WDR82: variants seen among roughly 807,000 people sequenced by gnomAD.
WDR82 encodes the protein WD repeat domain 82, also known as WD repeat-containing protein 82.
A neutral mutation model predicts 36.1 loss-of-function variants in WDR82; 8 were observed. The observed-to-expected ratio is 0.22, with a 90% CI of 0.13 to 0.40. The LOEUF is 0.40. WDR82 is among the 10% of genes least tolerant of loss of function. The pLI is 1.00. For missense variants in WDR82, 185 were observed against 400.5 expected (o/e 0.46, Z 4.59); for synonymous variants, 129 against 137.8 (o/e 0.94, Z 0.45).
At chr3:52,267,113 T>C in intron 2 of WDR82, 95 bp from the exon 3 acceptor site, 1 of 953,998 alleles carries the variant, frequency 1.0e-6, no homozygotes, top group Non-Finnish European at 1.6e-6. Flanking sequence ...AAATAATCCA[T>C]TGTATTCTAT....
chr3:52,257,912 G>A (rs773999375), intron 8 of WDR82, among the ~76,000 whole-genome samples: 2 of 151,564 alleles, frequency 1.3e-5, no homozygotes, highest in African/African-American at 2.4e-5. Context: ...TGGTTTTGCT[G>A]TATTTTTTCT....
Position 52,259,368 on chromosome 3 carries a change from A to T in WDR82, c.700-102T>A. On this transcript the variant is annotated intron_variant, in intron 6 of 8. Transcript: ENST00000296490. ...CACATGCATCACCTTCCTTTCCATGAAACCCTTTCCTTGTCATGTACTACA... is the reference window on the plus strand; with the variant it reads ...CACATGCATCACCTTCCTTTCCATGTAACCCTTTCCTTGTCATGTACTACA... 18 of 1,204,900 alleles carry T rather than the reference A, an allele frequency of 1.5e-5. 1 individual carries two copies. The highest frequency in any genetic ancestry group is 2.2e-5 in the Non-Finnish European group (18 of 829,986). 74.6% of individuals were successfully genotyped at this position (1,204,900 alleles called of 1,614,324 possible). A position where few individuals can be genotyped will look rare whatever the true frequency, so the allele number is the denominator to read the frequency against.
chr3:52,257,634 C>G, intron 8 of WDR82, 115 bp from the exon 9 acceptor site: 1 of 1,281,418 alleles, frequency 7.8e-7, no homozygotes, highest in South Asian at 1.3e-5. Context: ...TCTGGTAGCC[C>G]TCTCTCCTAA....
chr3:52,270,619 A>AAAGTAGTCACAAAGCAG, intron 2 of WDR82, 93 bp downstream of exon 2: 1 of 921,626 alleles, frequency 1.1e-6, no homozygotes, highest in Non-Finnish European at 1.7e-6. Context: ...TACTTAAACT[A>AAAGTAGTCACAAAGCAG]AAGTAGTCAC....
intron 3 of WDR82, among the ~76,000 whole-genome samples, chr3:52,263,025 G>A (rs1578006488): frequency 6.6e-6 from 1 of 151,946 alleles, no homozygotes; most frequent in African/African-American, 2.4e-5. Flanking sequence ...CTACTCAAGA[G>A]GCTGAGGCGG....
intron 1 of WDR82, among the ~76,000 whole-genome samples, chr3:52,271,860 G>A (rs1405856784): frequency 2.6e-5 from 4 of 152,162 alleles, no homozygotes; most frequent in South Asian, 2.1e-4. Flanking sequence ...TTGGGAGGCC[G>A]AGCCAGGCAA....
chr3:52,258,604 T>G lies in WDR82; in HGVS notation c.844A>C (p.Thr282Pro). Residue 282 changes from threonine (T) to proline (P), a missense_variant, in exon 8 of 9, where the codon ACA becomes CCA. By Grantham distance (38) the Thr-to-Pro change is conservative (BLOSUM62 -1). This residue lies in a region of WDR82 where 110 missense variants were observed against 212.6 expected (regional missense o/e 0.52). Transcript: ENST00000296490. ...AATTGCAAACAGGTAATCGGGCCTG[T>G]GTGTTTACCATCCAACACAGCTACT... ...IKVAVLDGKH[T>P]GPITCLQFNP... 1 of 1,614,198 alleles carries G rather than the reference T, an allele frequency of 6.2e-7. No individual in the cohort carries two copies.
chr3:52,261,323 C>A, intron 4 of WDR82, 57 bp downstream of exon 4: 1 of 1,437,402 alleles, frequency 7.0e-7, no homozygotes, highest in Non-Finnish European at 9.7e-7. Context: ...AGGTAGAGTT[C>A]ATTACAGTGC....
At chr3:52,258,816 G>T in intron 7 of WDR82, 138 bp from the exon 8 acceptor site, 1 of 1,226,670 alleles carries the variant, frequency 8.2e-7, no homozygotes, top group Non-Finnish European at 1.1e-6. Flanking sequence ...GGGAGGAGAG[G>T]CAGTGAAGGA....
At chr3:52,260,069 G>A (rs1014483686) in intron 5 of WDR82, among the ~76,000 whole-genome samples, 197 bp from the exon 6 acceptor site, 4 of 152,266 alleles carry the variant, frequency 2.6e-5, no homozygotes, top group African/African-American at 9.6e-5. Flanking sequence ...GGTGGCTCAC[G>A]CCTGTAATCC....
intron 1 of WDR82, among the ~76,000 whole-genome samples, chr3:52,277,179 T>C (rs1010668068): frequency 6.6e-6 from 1 of 151,814 alleles, no homozygotes; most frequent in Non-Finnish European, 1.5e-5. Flanking sequence ...CAAGCCTTCT[T>C]GGGGAAGGTG....
At chr3:52,258,482 C>A in intron 8 of WDR82, 54 bp downstream of exon 8, 1 of 1,608,096 alleles carries the variant, frequency 6.2e-7, no homozygotes, top group Non-Finnish European at 8.5e-7. Flanking sequence ...AGGCACCCAC[C>A]ACCCCAACTG....
intron 1 of WDR82, among the ~76,000 whole-genome samples, chr3:52,273,925 T>C (rs1457516748): frequency 2.0e-5 from 3 of 152,152 alleles, no homozygotes; most frequent in Admixed American, 1.3e-4. Context: ...CCTGGACTCA[T>C]TTCCTAACTT....
chr3:52,272,704 G>A (rs1287234607), intron 1 of WDR82, among the ~76,000 whole-genome samples: 1 of 152,146 alleles, frequency 6.6e-6, no homozygotes, highest in Admixed American at 6.5e-5. Context: ...CATAAATCCT[G>A]TACTAATGTT....
intron 3 of WDR82, among the ~76,000 whole-genome samples, chr3:52,265,566 CTTTTTTTTT>C (rs959125432): frequency 6.6e-5 from 8 of 120,750 alleles, no homozygotes; most frequent in African/African-American, 1.9e-4. Flanking sequence ...GGAAGTGCAA[CTTTTTTTTT>C]TTTTTTTTTT....
chr3:52,262,384 T>C (rs1448631925), intron 3 of WDR82, among the ~76,000 whole-genome samples: 2 of 152,262 alleles, frequency 1.3e-5, no homozygotes, highest in African/African-American at 4.8e-5. Context: ...AGGAATCATT[T>C]ACAGTATGTA....
intron 1 of WDR82, among the ~76,000 whole-genome samples, chr3:52,276,477 C>T (rs1237707564): frequency 6.6e-6 from 1 of 152,028 alleles, no homozygotes; most frequent in Non-Finnish European, 1.5e-5. Context: ...GACTTCATGT[C>T]AAGGTCATCC....
chr3:52,277,065 AAATAAT>A (rs71084177), intron 1 of WDR82, among the ~76,000 whole-genome samples: 6,428 of 140,968 alleles, frequency 0.046, 183 homozygotes, highest in Middle Eastern at 0.056. Context: ...CCAAGATCTC[AAATAAT>A]AATAATAATA....
intron 1 of WDR82, 103 bp from the exon 2 acceptor site, chr3:52,270,912 A>G: frequency 2.4e-6 from 2 of 837,678 alleles, no homozygotes; most frequent in Admixed American, 5.5e-5. Context: ...AAAGGTGAGG[A>G]TTTTTGGTAA....
Sources: gnomAD v4.1 joint callset for allele counts (sites outside exome capture counted in the v4.1 genomes callset) on GRCh38, gnomAD v4.1.1 for gene constraint, gnomAD v4.1.1 regional missense constraint, MANE v1.5 for transcripts, NCBI Gene and HGNC (gene_info 2026-07-23, HGNC 2026-07-21) for gene names.